C2CD3: variants seen among roughly 807,000 people sequenced by gnomAD.
C2CD3 encodes C2 domain-containing protein 3.
A neutral mutation model predicts 234.0 loss-of-function variants in C2CD3; 148 were observed. The ratio of observed to expected loss-of-function variants is 0.63; its 90% CI spans 0.55 to 0.72. The LOEUF is 0.72. C2CD3 is among the 30% of genes least tolerant of loss of function. The pLI is 0.00. For missense variants in C2CD3, 2,577 were observed against 2,811.5 expected (o/e 0.92, Z 1.89); for synonymous variants, 1,000 against 1,035.4 (o/e 0.97, Z 0.66).
In C2CD3 at chr11:74,170,807, C is replaced by G. The variant is rs748555463; in HGVS notation, c.-15G>C. 2 of 1,614,120 alleles carry G rather than the reference C, an allele frequency of 1.2e-6. No homozygotes were observed. Among genetic ancestry groups the G allele is most frequent in the Admixed American group, 3.3e-5 (2 of 60,024 alleles). On this transcript the variant is annotated 5_prime_UTR_variant, in exon 1 of 33. Coordinates refer to ENST00000334126, the MANE Select transcript of C2CD3 (RefSeq NM_001286577.2). ...CGTTGTTTCATGATGAGCCCGAGCT[C>G]TTCTTCACCAGCTCAACTCCGTCTC...
chr11:74,133,719 G>A (rs187027535), intron 5 of C2CD3, 162 bp from the exon 6 acceptor site: 11 of 663,002 alleles, frequency 1.7e-5, no homozygotes, highest in Non-Finnish European at 2.0e-5. Flanking sequence ...GGACATTTAC[G>A]CAAAAGAGAT....
At chr11:74,095,737 C>G (rs1346205666) in intron 16 of C2CD3, among the ~76,000 whole-genome samples, 1 of 152,050 alleles carries the variant, frequency 6.6e-6, no homozygotes, top group Non-Finnish European at 1.5e-5. Context: ...TCTTAATATA[C>G]TAAGAATAGA....
Position 74,083,777 on chromosome 11 carries a change from A to C in C2CD3, c.4000+1104T>G, listed in dbSNP as rs570665673. ...CACACCAATTAGAATGGAGATCATT[A>C]AAAAGTCAGGAAACAACAGGTGCTG... On this transcript the variant is annotated intron_variant, in intron 22 of 32. Coordinates refer to ENST00000334126, the MANE Select transcript of C2CD3 (RefSeq NM_001286577.2). 1.4e-4 allele frequency among the ~76,000 whole-genome samples: 22 copies of C among 152,312 alleles called. No homozygotes were observed. The East Asian group carries it at 3.7e-3, about 25-fold the overall frequency.
At chr11:74,130,011 G>A (rs1001394029) in intron 7 of C2CD3, 1 of 148,146 alleles carries the variant, frequency 6.8e-6, no homozygotes, top group Non-Finnish European at 1.5e-5. Flanking sequence ...GCAGTGAGCC[G>A]AGATGGCAGC....
intron 10 of C2CD3, among the ~76,000 whole-genome samples, chr11:74,114,098 A>T (rs1424661103): frequency 6.6e-6 from 1 of 152,098 alleles, no homozygotes; most frequent in Non-Finnish European, 1.5e-5. Flanking sequence ...AATACAAAAC[A>T]TCTATTTTGG....
intron 30 of C2CD3, among the ~76,000 whole-genome samples, chr11:74,035,706 G>GC (rs2135414887): frequency 6.6e-6 from 1 of 150,814 alleles, no homozygotes; most frequent in Admixed American, 6.6e-5. Flanking sequence ...GCAGGCTTTT[G>GC]CTGTTTTTTT....
In C2CD3 at chr11:74,042,223, C is replaced by CA. The variant is rs747090151; in HGVS notation, c.5496-6dup. 0.028 allele frequency: 38,572 copies of CA among 1,371,698 alleles called. 586 individuals carry two copies. Among genetic ancestry groups the CA allele is most frequent in the African/African-American group, 0.18 (9,499 of 51,722 alleles). The allele number at this position is 1,371,698 out of a possible 1,614,324, so 85.0% of individuals were successfully genotyped here. Reference sequence around the variant, plus strand: ...TGGCTTCTTGTGGTATCACTTCTGTCAAAAAAAAAAAAAAAAAAAGTAGGA... The same window carrying CA: ...TGGCTTCTTGTGGTATCACTTCTGTCAAAAAAAAAAAAAAAAAAAAGTAGGA... On this transcript the variant is annotated splice_polypyrimidine_tract_variant and splice_region_variant and intron_variant, in intron 28 of 32. Coordinates refer to ENST00000334126, the MANE Select transcript of C2CD3 (RefSeq NM_001286577.2).
Position 74,074,454 on chromosome 11 carries a change from G to A in C2CD3, c.4750C>T (p.Gln1584Ter). Residue 1584 changes from glutamine to a stop codon, truncating the protein, a stop_gained, in exon 24 of 33, where the codon CAG becomes TAG. Coordinates refer to ENST00000334126, the MANE Select transcript of C2CD3 (RefSeq NM_001286577.2). LOFTEE classifies it high-confidence loss of function. ...MDCSSHSESE[Q>*]LPRRNDEVQL... is the part of the protein sequence containing the mutation. ...ACCTCATCATTCCTTCTGGGGAGCT[G>A]CTCAGACTCACTGTGGCTGCTGCAG... 1 of 1,614,166 alleles carries A rather than the reference G, an allele frequency of 6.2e-7. No homozygotes were observed. Among genetic ancestry groups the A allele is most frequent in the East Asian group, 2.2e-5 (1 of 44,864 alleles).
At chr11:74,031,702 C>A (rs895705057) in intron 31 of C2CD3, among the ~76,000 whole-genome samples, 1 of 152,082 alleles carries the variant, frequency 6.6e-6, no homozygotes. Flanking sequence ...GGGCCTGGCA[C>A]GATTTATTTT....
intron 24 of C2CD3, chr11:74,070,533 T>C (rs1954746466): frequency 6.6e-6 from 1 of 152,260 alleles, no homozygotes; most frequent in Non-Finnish European, 1.5e-5. Context: ...CTGTTCTCCA[T>C]TCTTGCTGCC....
At chr11:74,017,132 T>C (rs1951909674) in intron 32 of C2CD3, among the ~76,000 whole-genome samples, 1 of 152,156 alleles carries the variant, frequency 6.6e-6, no homozygotes, top group African/African-American at 2.4e-5. Flanking sequence ...GACAAACCTA[T>C]TACTAGAAGA....
chr11:74,114,569 G>C lies in C2CD3; in HGVS notation c.1545C>G (p.Leu515=). 3 of 1,613,930 alleles carry C rather than the reference G, an allele frequency of 1.9e-6. No individual in the cohort carries two copies. Among genetic ancestry groups the C allele is most frequent in the Non-Finnish European group, 2.5e-6 (3 of 1,179,866 alleles). ...RNRNLVEQQM[L]SETPEDAQTM... ...TTTGGGCATCTTCTGGAGTTTCTGA[G>C]AGCATCTGTTGTTCAACCAAATTTC... The change falls in exon 10 of 33, where the codon CTC becomes CTG. Residue 515 remains leucine (L), a synonymous_variant. Coordinates refer to ENST00000334126, the MANE Select transcript of C2CD3 (RefSeq NM_001286577.2).
At chr11:74,159,898 T>C (rs576544322) in intron 3 of C2CD3, among the ~76,000 whole-genome samples, 3 of 152,240 alleles carry the variant, frequency 2.0e-5, no homozygotes, top group East Asian at 3.9e-4. Context: ...CTGCTCTATA[T>C]AGGTATATAT....
At chr11:74,167,506 A>G (rs909686482) in intron 2 of C2CD3, among the ~76,000 whole-genome samples, 1 of 152,240 alleles carries the variant, frequency 6.6e-6, no homozygotes, top group South Asian at 2.1e-4. Context: ...ACTGAATTAC[A>G]GCATTTGTTC....
At position 74,170,816 on chromosome 11, in the gene C2CD3, C is replaced by T. The variant is rs1370965037; in HGVS notation, c.-24G>A. On this transcript the variant is annotated 5_prime_UTR_variant, in exon 1 of 33. Transcript: ENST00000334126. ...ATGATGAGCCCGAGCTCTTCTTCACCAGCTCAACTCCGTCTCCAGCACCTA... is the reference window on the plus strand; with the variant it reads ...ATGATGAGCCCGAGCTCTTCTTCACTAGCTCAACTCCGTCTCCAGCACCTA... 6.2e-7 allele frequency: 1 copy of T among 1,614,162 alleles called. No individual in the cohort carries two copies. Among genetic ancestry groups the T allele is most frequent in the Non-Finnish European group, 8.5e-7 (1 of 1,180,014 alleles).
chr11:74,150,386 G>A (rs2135556288), intron 3 of C2CD3, among the ~76,000 whole-genome samples: 1 of 150,128 alleles, frequency 6.7e-6, no homozygotes, highest in Admixed American at 6.6e-5. Context: ...TACTTGGGAG[G>A]CTGAGGCAGG....
At chr11:74,156,148 C>T (rs534744830) in intron 3 of C2CD3, among the ~76,000 whole-genome samples, 37 of 152,164 alleles carry the variant, frequency 2.4e-4, no homozygotes, top group African/African-American at 8.9e-4. Flanking sequence ...GTGGTGCACG[C>T]CTGTAGTCCC....
At chr11:74,049,604 G>T in intron 26 of C2CD3, 62 bp from the exon 27 acceptor site, 1 of 1,318,754 alleles carries the variant, frequency 7.6e-7, no homozygotes, top group Non-Finnish European at 1.1e-6. Flanking sequence ...TGAGATTAGA[G>T]GGTGCACACA....
intron 3 of C2CD3, among the ~76,000 whole-genome samples, chr11:74,149,873 T>C (rs1169362115): frequency 6.6e-6 from 1 of 152,148 alleles, no homozygotes; most frequent in Non-Finnish European, 1.5e-5. Context: ...AAAACTTCAT[T>C]CTACTCTTAC....
Sources: gnomAD v4.1 joint callset for allele counts (sites outside exome capture counted in the v4.1 genomes callset) on GRCh38, gnomAD v4.1.1 for gene constraint, MANE v1.5 for transcripts, NCBI Gene and HGNC (gene_info 2026-07-23, HGNC 2026-07-21) for gene names.